The following WASF3 variants were observed in gnomAD, a reference collection of about 807,000 sequenced individuals.
The protein encoded by WASF3 is WASP family member 3.
WASF3 carries 11 observed loss-of-function variants against 46.6 expected under a neutral mutation model. The observed-to-expected ratio is 0.24, with a 90% confidence interval of 0.15 to 0.39. The LOEUF is 0.39. WASF3 is among the 10% of genes least tolerant of loss of function. WASF3 has a pLI of 1.00. For synonymous variants in WASF3, 242 were observed against 259.7 expected, an observed-to-expected ratio of 0.93 and a Z score of 0.65; for missense variants, 576 against 669.8, an observed-to-expected ratio of 0.86 and a Z score of 1.55.
intron 1 of WASF3, among the ~76,000 whole-genome samples, chr13:26,590,547 TG>T (rs139468840): frequency 0.021 from 3,123 of 152,288 alleles, 110 homozygotes; most frequent in African/African-American, 0.071. Flanking sequence ...GTAATCTGGA[TG>T]GGATTTAAGC....
intron 1 of WASF3, among the ~76,000 whole-genome samples, chr13:26,565,273 A>G (rs1879429339): frequency 6.6e-6 from 1 of 152,110 alleles, no homozygotes; most frequent in South Asian, 2.1e-4. Flanking sequence ...ACTCTAGTAC[A>G]AGTTGAGGGG....
chr13:26,645,844 A>G (rs1882134911), intron 3 of WASF3, among the ~76,000 whole-genome samples: 1 of 152,170 alleles, frequency 6.6e-6, no homozygotes, highest in African/African-American at 2.4e-5. Flanking sequence ...GGGGTCATCC[A>G]GTTTCTGGTC....
At chr13:26,653,110 C>T (rs149599688) in intron 3 of WASF3, among the ~76,000 whole-genome samples, 1 of 152,284 alleles carries the variant, frequency 6.6e-6, no homozygotes, top group Non-Finnish European at 1.5e-5. Flanking sequence ...CGCTGATAGG[C>T]TCTGCATCCA....
At chr13:26,560,684 A>G (rs1038137489) in intron 1 of WASF3, among the ~76,000 whole-genome samples, 2 of 152,238 alleles carry the variant, frequency 1.3e-5, no homozygotes, top group African/African-American at 2.4e-5. Context: ...TAGGAGCCTC[A>G]TGCATGACCT....
chr13:26,556,867 C>G, upstream of WASF3, among the ~76,000 whole-genome samples: 1 of 152,264 alleles, frequency 6.6e-6, no homozygotes, highest in Non-Finnish European at 1.5e-5. Context: ...TAAAGGCATG[C>G]AAATTAAAAT....
intron 1 of WASF3, chr13:26,606,538 T>TC (rs1880805048): frequency 6.6e-6 from 1 of 151,736 alleles, no homozygotes; most frequent in South Asian, 2.1e-4. Context: ...TTTTTTTTTT[T>TC]TAAGATACGG....
chr13:26,613,597 A>T (rs1881045583), intron 2 of WASF3, among the ~76,000 whole-genome samples: 1 of 152,154 alleles, frequency 6.6e-6, no homozygotes, highest in African/African-American at 2.4e-5. Context: ...GTGAAAGCCC[A>T]TCTCTACTAA....
chr13:26,649,436 T>G (rs1179986324), intron 3 of WASF3, among the ~76,000 whole-genome samples: 1 of 152,178 alleles, frequency 6.6e-6, no homozygotes, highest in East Asian at 1.9e-4. Context: ...CTGATCTGGC[T>G]TTTAAAGAGC....
chr13:26,541,641 C>A, the WASF3 span, among the ~76,000 whole-genome samples: 1 of 102,122 alleles, frequency 9.8e-6, no homozygotes, highest in Non-Finnish European at 2.4e-5. Flanking sequence ...ATCCCGGAAG[C>A]CCACTTTTTT....
chr13:26,597,913 C>T (rs1227461268), intron 1 of WASF3, among the ~76,000 whole-genome samples: 1 of 152,130 alleles, frequency 6.6e-6, no homozygotes, highest in African/African-American at 2.4e-5. Flanking sequence ...GTGAATAGTG[C>T]CGCAATAAAC....
chr13:26,651,062 G>A (rs1042741175), intron 3 of WASF3, among the ~76,000 whole-genome samples: 3 of 152,072 alleles, frequency 2.0e-5, no homozygotes, highest in South Asian at 2.1e-4. Context: ...AGAAAACCAC[G>A]TCATAATAAA....
intron 2 of WASF3, among the ~76,000 whole-genome samples, chr13:26,626,507 T>G (rs1193354005): frequency 3.9e-5 from 6 of 152,192 alleles, no homozygotes; most frequent in Non-Finnish European, 8.8e-5. Context: ...AAAGAATCTT[T>G]GTCAGATGGA....
intron 3 of WASF3, among the ~76,000 whole-genome samples, chr13:26,653,174 G>C (rs371257345): frequency 3.7e-4 from 57 of 152,206 alleles, no homozygotes; most frequent in Middle Eastern, 3.4e-3. Context: ...TCCTATCCAT[G>C]CTGTCTCCTC....
intron 1 of WASF3, among the ~76,000 whole-genome samples, chr13:26,568,071 G>C (rs1180476509): frequency 6.6e-6 from 1 of 152,018 alleles, no homozygotes; most frequent in African/African-American, 2.4e-5. Flanking sequence ...TTGGGTAGGG[G>C]GATGCGTAGT....
At chr13:26,577,517 G>T in intron 1 of WASF3, 1 of 1,295,268 alleles carries the variant, frequency 7.7e-7, no homozygotes, top group Non-Finnish European at 1.1e-6. Flanking sequence ...TGATGTCTTC[G>T]TTAGAAAAGT....
At chr13:26,573,379 T>C (rs1474588905) in intron 1 of WASF3, among the ~76,000 whole-genome samples, 1 of 152,136 alleles carries the variant, frequency 6.6e-6, no homozygotes, top group Non-Finnish European at 1.5e-5. Flanking sequence ...TGAGGTAAAA[T>C]ATACATAACA....
At chr13:26,578,517 A>C (rs1027203478) in intron 1 of WASF3, among the ~76,000 whole-genome samples, 12 of 152,204 alleles carry the variant, frequency 7.9e-5, no homozygotes, top group Non-Finnish European at 1.5e-5. Flanking sequence ...GCTGCCGATC[A>C]CAGTAAAACC....
At chr13:26,592,473 A>C (rs949199261) in intron 1 of WASF3, among the ~76,000 whole-genome samples, 6 of 152,296 alleles carry the variant, frequency 3.9e-5, no homozygotes, top group African/African-American at 1.4e-4. Flanking sequence ...AGCAGGGTTC[A>C]GTTCCTGGTG....
chr13:26,554,091 C>CTT (rs1221082083), upstream of WASF3, among the ~76,000 whole-genome samples: 1 of 96,638 alleles, frequency 1.0e-5, no homozygotes, highest in Non-Finnish European at 2.1e-5. Context: ...TTCCTTCCTT[C>CTT]CTTCCTTCTT....
Sources: allele counts gnomAD v4.1 joint callset (sites outside exome capture counted in the v4.1 genomes callset), GRCh38; gene constraint gnomAD v4.1.1; transcripts MANE v1.5; gene names NCBI Gene and HGNC (gene_info 2026-07-23, HGNC 2026-07-21).